Variants in ST6GAL2 observed in about 807,000 individuals in gnomAD.
The protein encoded by ST6GAL2 is beta-galactoside alpha-2,6-sialyltransferase 2.
In ST6GAL2, 24 loss-of-function variants were observed where a neutral mutation model predicts 37.5. The ratio of observed to expected loss-of-function variants is 0.64; its 90% CI spans 0.46 to 0.90. The LOEUF (loss-of-function observed/expected upper bound fraction) is 0.90. Among genes scored for constraint, ST6GAL2 ranks in the 40% least tolerant of loss-of-function variants. The pLI, the probability that ST6GAL2 is intolerant of heterozygous loss-of-function variation, is 0.00. For synonymous variants in ST6GAL2, 306 were observed against 295.1 expected, an observed-to-expected ratio of 1.04 and a Z score of -0.38; for missense variants, 715 against 712.7, an observed-to-expected ratio of 1.00 and a Z score of -0.04.
At chr2:106,886,950 C>T (rs1232923133), upstream of ST6GAL2, 1 of 152,520 alleles carries the variant, frequency 6.6e-6, no homozygotes, top group African/African-American at 2.4e-5. Context: ...CCGCCTCCAT[C>T]CAGCCCTAGT....
intron 1 of ST6GAL2, among the ~76,000 whole-genome samples, chr2:106,855,558 G>A (rs976830150): frequency 6.6e-6 from 1 of 152,040 alleles, no homozygotes; most frequent in Non-Finnish European, 1.5e-5. Flanking sequence ...AGTGAGAGAG[G>A]GGATGCCTGC....
At chr2:106,866,322 G>A (rs936944259) in intron 1 of ST6GAL2, among the ~76,000 whole-genome samples, 7 of 152,200 alleles carry the variant, frequency 4.6e-5, no homozygotes, top group Admixed American at 3.9e-4. Context: ...CAATAACTCT[G>A]TCTTTGACTT....
Position 106,843,918 on chromosome 2 carries a change from C to T in ST6GAL2, c.60G>A (p.Gly20=), listed in dbSNP as rs750631176. The T allele has an allele frequency of 6.2e-7, 1 of 1,600,220 alleles. No individual in the cohort carries two copies. The highest frequency in any genetic ancestry group is 8.5e-7 in the Non-Finnish European group (1 of 1,178,564). Residue 20 remains glycine, a synonymous_variant, in exon 2 of 6, where the codon GGG becomes GGA. Transcript: ENST00000409382. ...AGATGAAAATCAGCAAAAAGAGGAG[C>T]CCCCAAGCGAATATTCCGAAAAGCA... ...QRMLFGIFAW[G]LLFLLIFIYF...
chr2:106,837,062 T>C (rs986836309), intron 2 of ST6GAL2, among the ~76,000 whole-genome samples: 3 of 152,340 alleles, frequency 2.0e-5, no homozygotes, highest in African/African-American at 7.2e-5. Context: ...AATTTTATCA[T>C]TGGCAACAAA....
intron 5 of ST6GAL2, among the ~76,000 whole-genome samples, chr2:106,814,773 G>A (rs185656871): frequency 6.6e-5 from 10 of 152,256 alleles, no homozygotes; most frequent in African/African-American, 2.4e-4. Flanking sequence ...GTCATTACGT[G>A]GGCAAAATAG....
chr2:106,850,633 C>CTGCA (rs1297931079), intron 1 of ST6GAL2, among the ~76,000 whole-genome samples: 1 of 152,152 alleles, frequency 6.6e-6, no homozygotes, highest in Non-Finnish European at 1.5e-5. Context: ...AAATCACGAT[C>CTGCA]TGCATCATGG....
intron 1 of ST6GAL2, among the ~76,000 whole-genome samples, chr2:106,850,181 G>C (rs1012146711): frequency 1.3e-5 from 2 of 152,134 alleles, no homozygotes; most frequent in African/African-American, 2.4e-5. Flanking sequence ...ATGGGGAGAT[G>C]ACATATGGGA....
At chr2:106,867,752 A>G (rs1423698074) in intron 1 of ST6GAL2, among the ~76,000 whole-genome samples, 1 of 151,954 alleles carries the variant, frequency 6.6e-6, no homozygotes, top group Non-Finnish European at 1.5e-5. Context: ...GTAGGCATTC[A>G]GTTTCAAAGA....
At chr2:106,837,571 C>T in intron 2 of ST6GAL2, among the ~76,000 whole-genome samples, 1 of 152,172 alleles carries the variant, frequency 6.6e-6, no homozygotes, top group East Asian at 1.9e-4. Context: ...TGAGAGGAGA[C>T]TCCACCAGCG....
rs1395565301 is a variant in ST6GAL2 at position 106,838,245 on chromosome 2, C to A, written c.944-4099G>T. The stretch of plus-strand genomic sequence containing the variant: ...TGCTGTGTTGTCCTTGAGAATGGAG[C>A]CAGACAAGTGCATCCATGGAAGGAA... On this transcript the variant is annotated intron_variant, in intron 2 of 5. Coordinates refer to ENST00000409382, the MANE Select transcript of ST6GAL2 (RefSeq NM_001142351.2). Among the ~76,000 whole-genome samples, 3 of 152,190 alleles carry A rather than the reference C, an allele frequency of 2.0e-5. No individual in the cohort carries two copies. The South Asian group carries it at 6.2e-4, about 32-fold the overall frequency.
intron 1 of ST6GAL2, among the ~76,000 whole-genome samples, chr2:106,879,651 G>A (rs577666023): frequency 5.2e-4 from 77 of 148,478 alleles, no homozygotes; most frequent in South Asian, 5.1e-3. Context: ...AATTATATAC[G>A]TATCTAATGT....
intron 1 of ST6GAL2, among the ~76,000 whole-genome samples, chr2:106,884,810 A>T (rs2104670612): frequency 6.6e-6 from 1 of 151,134 alleles, no homozygotes; most frequent in Non-Finnish European, 1.5e-5. Context: ...TGTCAGTTCC[A>T]GAAAAATAAT....
intron 1 of ST6GAL2, among the ~76,000 whole-genome samples, chr2:106,860,792 C>T (rs1253722539): frequency 6.6e-6 from 1 of 152,154 alleles, no homozygotes; most frequent in Non-Finnish European, 1.5e-5. Context: ...TCACTAAAGG[C>T]CTTCCCTCAC....
intron 5 of ST6GAL2, among the ~76,000 whole-genome samples, chr2:106,814,367 G>T (rs1675720799): frequency 6.6e-6 from 1 of 152,074 alleles, no homozygotes; most frequent in Non-Finnish European, 1.5e-5. Context: ...GGAAAAGAAA[G>T]AAGTTATGAT....
intron 1 of ST6GAL2, among the ~76,000 whole-genome samples, chr2:106,883,219 G>C (rs1258103537): frequency 6.6e-6 from 1 of 152,174 alleles, no homozygotes; most frequent in African/African-American, 2.4e-5. Flanking sequence ...GTGGGAGGTG[G>C]CTGGGACCAA....
intron 1 of ST6GAL2, among the ~76,000 whole-genome samples, chr2:106,866,819 G>T (rs1678046165): frequency 6.6e-6 from 1 of 152,144 alleles, no homozygotes; most frequent in African/African-American, 2.4e-5. Context: ...AACAGAATTA[G>T]TTTTTGGCAG....
upstream of ST6GAL2, chr2:106,886,673 C>G (rs1053575951): frequency 4.0e-5 from 6 of 151,852 alleles, no homozygotes; most frequent in African/African-American, 1.2e-4. Flanking sequence ...GAGCTCCGCT[C>G]GCCCCAGAGC....
chr2:106,850,354 C>G (rs1196441241), intron 1 of ST6GAL2, among the ~76,000 whole-genome samples: 1 of 152,140 alleles, frequency 6.6e-6, no homozygotes, highest in African/African-American at 2.4e-5. Flanking sequence ...GTGAGGCTCT[C>G]TGAGCATCTT....
intron 5 of ST6GAL2, among the ~76,000 whole-genome samples, chr2:106,820,012 G>T (rs1273389140): frequency 6.6e-6 from 1 of 151,838 alleles, no homozygotes; most frequent in Non-Finnish European, 1.5e-5. Context: ...AATACCACCA[G>T]AGAAAATCAC....
Sources: gnomAD v4.1 joint callset for allele counts (sites outside exome capture counted in the v4.1 genomes callset) on GRCh38, gnomAD v4.1.1 for gene constraint, MANE v1.5 for transcripts, NCBI Gene and HGNC (gene_info 2026-07-23, HGNC 2026-07-21) for gene names.